Variants in CTNND2 observed in about 807,000 individuals in gnomAD.
CTNND2 encodes catenin delta 2.
CTNND2 carries 22 observed loss-of-function variants against 144.4 expected under a neutral mutation model. The observed-to-expected ratio is 0.15, with a 90% CI of 0.11 to 0.22. CTNND2 has a LOEUF of 0.22. Ranked by LOEUF, CTNND2 falls within the 10% of genes least tolerant of loss-of-function variation. The pLI is 1.00. For missense variants in CTNND2, 1,353 were observed against 1,618.8 expected (o/e 0.84, Z 2.82); for synonymous variants, 751 against 695.6 (o/e 1.08, Z -1.25).
chr5:11,367,177 G>T (rs1273209188), intron 7 of CTNND2, among the ~76,000 whole-genome samples: 1 of 152,162 alleles, frequency 6.6e-6, no homozygotes, highest in Non-Finnish European at 1.5e-5. Flanking sequence ...TTCTGAATCA[G>T]ATAAGGCATT....
intron 9 of CTNND2, among the ~76,000 whole-genome samples, chr5:11,262,204 A>C (rs577044230): frequency 6.6e-5 from 10 of 152,100 alleles, no homozygotes; most frequent in Non-Finnish European, 1.2e-4. Context: ...TTTCAAAACA[A>C]AACCCAGGAG....
intron 2 of CTNND2, among the ~76,000 whole-genome samples, chr5:11,662,177 A>ACATATATGTGTATATGTGTATATATG (rs1783267746): frequency 3.8e-5 from 5 of 131,706 alleles, no homozygotes; most frequent in Non-Finnish European, 8.1e-5. Flanking sequence ...GTGTATATAT[A>ACATATATGTGTATATGTGTATATATG]CATATATGTG....
intron 1 of CTNND2, among the ~76,000 whole-genome samples, chr5:11,882,502 A>AAT (rs34174527): frequency 0.28 from 41,912 of 151,378 alleles, 5,765 homozygotes; most frequent in South Asian, 0.38. Context: ...AACATATACA[A>AAT]ATATATATAT....
At chr5:11,656,404 G>A (rs6862035) in intron 2 of CTNND2, among the ~76,000 whole-genome samples, 19,341 of 137,874 alleles carry the variant, frequency 0.14, 1,293 homozygotes, top group East Asian at 0.16. Context: ...CTATACCCCT[G>A]CTGAACACTC....
chr5:11,005,029 G>A (rs1740336623), intron 18 of CTNND2, among the ~76,000 whole-genome samples: 1 of 152,232 alleles, frequency 6.6e-6, no homozygotes, highest in African/African-American at 2.4e-5. Flanking sequence ...AGCCATGAAG[G>A]AAAAGTACAG....
At position 11,789,070 on chromosome 5, in the gene CTNND2, C is replaced by G. The variant is rs113605829; in HGVS notation, c.38-56798G>C. On this transcript the variant is annotated intron_variant, in intron 1 of 21. Coordinates refer to ENST00000304623, the MANE Select transcript of CTNND2 (RefSeq NM_001332.4). ...CGATCATTAAAAAGTCAGGGAACAA[C>G]AGGTGCTGGAGAGGATGTGGAGAAA... Among the ~76,000 whole-genome samples the G allele has an allele frequency of 4.9e-3, 741 of 152,218 alleles. 9 individuals are homozygous for G. Among genetic ancestry groups the G allele is most frequent in the African/African-American group, 0.017 (723 of 41,516 alleles).
At chr5:11,760,942 A>C (rs1344068957) in intron 1 of CTNND2, among the ~76,000 whole-genome samples, 2 of 152,166 alleles carry the variant, frequency 1.3e-5, no homozygotes, top group African/African-American at 2.4e-5. Context: ...CGTTTAACCT[A>C]TTCTGCCTGT....
chr5:11,824,118 G>T (rs1793475585), intron 1 of CTNND2, among the ~76,000 whole-genome samples: 2 of 145,300 alleles, frequency 1.4e-5, no homozygotes, highest in African/African-American at 5.2e-5. Flanking sequence ...AAAAAACCAT[G>T]GTGAAACTCA....
rs541865099 is a variant in CTNND2 at position 11,178,532 on chromosome 5, A to G, written c.1976-18773T>C. The stretch of plus-strand genomic sequence containing the variant: ...GGCAGAGATGATACAACTTGAATGG[A>G]AAACCTGTGATATGAGTCCTGGTAG... On this transcript the variant is annotated intron_variant, in intron 11 of 21. Transcript: ENST00000304623. Among the ~76,000 whole-genome samples, 3 of 152,306 alleles carry G rather than the reference A, an allele frequency of 2.0e-5. No individual in the cohort carries two copies. In the East Asian group the frequency reaches 5.8e-4, roughly 29 times the overall value.
intron 1 of CTNND2, among the ~76,000 whole-genome samples, chr5:11,745,023 T>G (rs1788233988): frequency 1.3e-5 from 2 of 152,166 alleles, no homozygotes; most frequent in African/African-American, 4.8e-5. Flanking sequence ...TGAGCCACCA[T>G]GCCCAGCTAA....
Position 11,674,468 on chromosome 5 carries a change from A to G in CTNND2, c.174+57668T>C, listed in dbSNP as rs139690201. Among the ~76,000 whole-genome samples the G allele has an allele frequency of 7.2e-5, 11 of 152,312 alleles. No individual in the cohort carries two copies. In the East Asian group the frequency reaches 1.9e-3, roughly 27 times the overall value. ...ATGTATAGCCTCCCTCATTATCAAC[A>G]TCCCCCACCAAAGAGGTACAATTGT... On this transcript the variant is annotated intron_variant, in intron 2 of 21. Transcript: ENST00000304623.
intron 3 of CTNND2, among the ~76,000 whole-genome samples, chr5:11,546,545 T>C (rs1775250982): frequency 6.6e-6 from 1 of 152,142 alleles, no homozygotes; most frequent in Admixed American, 6.5e-5. Flanking sequence ...TGGTATCAGA[T>C]CAACATAAAG....
chr5:11,694,503 G>C (rs998325462), intron 2 of CTNND2, among the ~76,000 whole-genome samples: 2 of 151,886 alleles, frequency 1.3e-5, no homozygotes, highest in Non-Finnish European at 2.9e-5. Flanking sequence ...ACTATGAAAA[G>C]GGCATTTGTT....
At chr5:11,296,255 G>A (rs1352862189) in intron 9 of CTNND2, among the ~76,000 whole-genome samples, 1 of 152,018 alleles carries the variant, frequency 6.6e-6, no homozygotes, top group Admixed American at 6.6e-5. Context: ...CTGGCCATCA[G>A]AGAAATGCAA....
At chr5:11,896,381 A>T (rs1347999508) in intron 1 of CTNND2, among the ~76,000 whole-genome samples, 2 of 152,184 alleles carry the variant, frequency 1.3e-5, no homozygotes, top group Non-Finnish European at 2.9e-5. Flanking sequence ...CATGAATTTT[A>T]ACTTCTTTTA....
chr5:11,207,501 T>C (rs928693790), intron 10 of CTNND2, among the ~76,000 whole-genome samples: 1 of 152,162 alleles, frequency 6.6e-6, no homozygotes, highest in African/African-American at 2.4e-5. Flanking sequence ...AAGATGGACA[T>C]TGTTTAAAAT....
intron 3 of CTNND2, among the ~76,000 whole-genome samples, chr5:11,485,065 A>C (rs1187623338): frequency 2.0e-5 from 3 of 152,232 alleles, no homozygotes; most frequent in Non-Finnish European, 2.9e-5. Flanking sequence ...GGCAGGTTAC[A>C]TAATATACAC....
chr5:11,621,099 T>TAC (rs144644220), intron 2 of CTNND2, among the ~76,000 whole-genome samples: 4 of 151,912 alleles, frequency 2.6e-5, no homozygotes, highest in African/African-American at 7.2e-5. Flanking sequence ...TGCATGTGTG[T>TAC]ACACACACAC....
chr5:11,041,890 C>T (rs374606264), intron 16 of CTNND2, among the ~76,000 whole-genome samples: 3 of 152,256 alleles, frequency 2.0e-5, no homozygotes, highest in African/African-American at 7.2e-5. Context: ...GTACTTGATA[C>T]TCATCTCAGA....
Sources: allele counts gnomAD v4.1 joint callset (sites outside exome capture counted in the v4.1 genomes callset), GRCh38; gene constraint gnomAD v4.1.1; transcripts MANE v1.5; gene names NCBI Gene and HGNC (gene_info 2026-07-23, HGNC 2026-07-21).